DPP6: variants seen among roughly 807,000 people sequenced by gnomAD.
The protein encoded by DPP6 is A-type potassium channel modulatory protein DPP6.
Under a neutral mutation model 122.6 loss-of-function variants are expected in DPP6, and 69 were observed. That is an observed-to-expected ratio of 0.56 (90% CI 0.46 to 0.69). The LOEUF (loss-of-function observed/expected upper bound fraction) is 0.69, where lower values mean the gene tolerates loss of function less well. Among genes scored for constraint, DPP6 ranks in the 30% least tolerant of loss-of-function variants. DPP6 has a pLI of 0.00. For synonymous variants in DPP6, 418 were observed against 433.1 expected (o/e 0.97, Z 0.43); for missense variants, 928 against 1,116.9 (o/e 0.83, Z 2.41).
At chr7:154,270,763 A>G (rs948957557) in intron 1 of DPP6, among the ~76,000 whole-genome samples, 7 of 152,158 alleles carry the variant, frequency 4.6e-5, no homozygotes, top group Non-Finnish European at 1.0e-4. Flanking sequence ...TGAAAACAAG[A>G]GTACAAGTGC....
At chr7:154,472,993 C>A (rs1822419388) in intron 2 of DPP6, among the ~76,000 whole-genome samples, 1 of 152,102 alleles carries the variant, frequency 6.6e-6, no homozygotes, top group African/African-American at 2.4e-5. Context: ...TCTTTTATTT[C>A]CAACGTTTGT....
At chr7:153,880,038 C>T in the DPP6 span, among the ~76,000 whole-genome samples, 23 of 152,070 alleles carry the variant, frequency 1.5e-4, no homozygotes, top group South Asian at 4.2e-4. Flanking sequence ...ATTGTGCCAT[C>T]TTATAGGAAA....
the DPP6 span, among the ~76,000 whole-genome samples, chr7:153,843,465 C>T: frequency 2.0e-4 from 30 of 151,874 alleles, no homozygotes; most frequent in African/African-American, 7.0e-4. Flanking sequence ...GGTGGATCGG[C>T]AGGTCGAGAA....
intron 1 of DPP6, among the ~76,000 whole-genome samples, chr7:154,157,560 A>T (rs1194198186): frequency 6.6e-6 from 1 of 152,208 alleles, no homozygotes; most frequent in East Asian, 1.9e-4. Flanking sequence ...CTTGCTCCCC[A>T]GTTGCTAATA....
chr7:154,748,088 C>T (rs1843120338), intron 8 of DPP6, among the ~76,000 whole-genome samples: 1 of 152,210 alleles, frequency 6.6e-6, no homozygotes, highest in African/African-American at 2.4e-5. Context: ...GAACTCAACA[C>T]CTGAACTCCT....
chr7:154,569,580 G>C (rs936316669), intron 5 of DPP6, among the ~76,000 whole-genome samples: 22 of 151,730 alleles, frequency 1.4e-4, no homozygotes, highest in Non-Finnish European at 3.2e-4. Context: ...AGTGTAACTT[G>C]TTTATATGAA....
chr7:154,649,553 C>T (rs1343260317), intron 6 of DPP6, among the ~76,000 whole-genome samples: 1 of 152,220 alleles, frequency 6.6e-6, no homozygotes, highest in Non-Finnish European at 1.5e-5. Flanking sequence ...TCCGCCCGGT[C>T]ACTGTGTATG....
intron 1 of DPP6, among the ~76,000 whole-genome samples, chr7:154,422,813 A>G (rs1050913396): frequency 3.3e-5 from 5 of 152,202 alleles, no homozygotes; most frequent in African/African-American, 1.2e-4. Flanking sequence ...ATGGTAACAT[A>G]GAGTATCGGC....
intron 1 of DPP6, among the ~76,000 whole-genome samples, chr7:153,919,227 A>G (rs1488026968): frequency 6.6e-6 from 1 of 152,164 alleles, no homozygotes; most frequent in Non-Finnish European, 1.5e-5. Context: ...ACTCGGTGTC[A>G]TCCAGGTGCT....
intron 1 of DPP6, among the ~76,000 whole-genome samples, chr7:154,309,928 CT>C (rs1400563081): frequency 2.0e-5 from 3 of 151,562 alleles, no homozygotes; most frequent in African/African-American, 7.3e-5. Context: ...TCTAAATTAT[CT>C]AAGACTCTGT....
chr7:154,812,547 A>C (rs1010581945), intron 16 of DPP6, among the ~76,000 whole-genome samples: 5 of 152,018 alleles, frequency 3.3e-5, no homozygotes, highest in Admixed American at 2.6e-4. Context: ...TTGTATCCTC[A>C]TGTGGTGGGA....
chr7:154,686,420 T>G (rs1230614078), intron 7 of DPP6, among the ~76,000 whole-genome samples: 1 of 152,072 alleles, frequency 6.6e-6, no homozygotes, highest in East Asian at 1.9e-4. Context: ...TAAGGATTTT[T>G]TTTTTTTTGG....
At chr7:153,966,222 A>G (rs551264291) in intron 1 of DPP6, among the ~76,000 whole-genome samples, 5 of 150,082 alleles carry the variant, frequency 3.3e-5, no homozygotes, top group East Asian at 4.0e-4. Flanking sequence ...ACACACATAT[A>G]TGGGGCTGTG....
chr7:154,123,705 T>C (rs1807664753), intron 1 of DPP6, among the ~76,000 whole-genome samples: 1 of 150,132 alleles, frequency 6.7e-6, no homozygotes, highest in Non-Finnish European at 1.5e-5. Flanking sequence ...AATGTGCCGC[T>C]CGCTCACGGG....
chr7:154,377,630 C>A (rs574476305), intron 1 of DPP6, among the ~76,000 whole-genome samples: 7 of 152,274 alleles, frequency 4.6e-5, no homozygotes, highest in African/African-American at 1.7e-4. Flanking sequence ...TTTCCCCCTT[C>A]GCTCTCTCTC....
chr7:153,803,880 T>C, the DPP6 span, among the ~76,000 whole-genome samples: 1 of 151,860 alleles, frequency 6.6e-6, no homozygotes, highest in East Asian at 1.9e-4. Flanking sequence ...CAAGGATATA[T>C]GTACCTCTCC....
chr7:154,569,181 T>A (rs1830957679), intron 5 of DPP6, among the ~76,000 whole-genome samples: 4 of 151,860 alleles, frequency 2.6e-5, no homozygotes, highest in Admixed American at 2.6e-4. Flanking sequence ...TAAACTAAAA[T>A]GTAAGTAATT....
At chr7:154,109,838 A>G (rs1271258070) in intron 1 of DPP6, among the ~76,000 whole-genome samples, 1 of 140,688 alleles carries the variant, frequency 7.1e-6, no homozygotes, top group Non-Finnish European at 1.5e-5. Context: ...TTGTAGAACA[A>G]GGAGAGGGGA....
Position 154,053,016 on chromosome 7 carries a change from C to T in DPP6, c.196C>T (p.Arg66Trp), listed in dbSNP as rs1298489449. The change falls in exon 1 of 26, where the codon CGG becomes TGG. Residue 66 changes from arginine to tryptophan, a missense_variant. By Grantham distance (101) the Arg-to-Trp change is moderately radical. Transcript: ENST00000377770. The part of the protein sequence containing the change: ...RGGGGGGAGG[R>W]PRFQYQARSD... ...CGGCGGCGGCGGCGGCGCGGGTGGC[C>T]GGCCCCGGTTCCAGTACCAGGCGCG... is the stretch of plus-strand genomic sequence containing the variant. 7 of 1,057,774 alleles carry T rather than the reference C, an allele frequency of 6.6e-6. No individual in the cohort carries two copies. Among genetic ancestry groups the T allele is most frequent in the Middle Eastern group, 8.8e-4 (2 of 2,276 alleles). The allele number at this position is 1,057,774 out of a possible 1,614,324, so 65.5% of individuals were successfully genotyped here. A position where few individuals can be genotyped will look rare whatever the true frequency, so the allele number is the denominator to read the frequency against.
Sources: gnomAD v4.1 joint callset for allele counts (sites outside exome capture counted in the v4.1 genomes callset) on GRCh38, gnomAD v4.1.1 for gene constraint, MANE v1.5 for transcripts, NCBI Gene and HGNC (gene_info 2026-07-23, HGNC 2026-07-21) for gene names.